The following DDHD2 variants were observed in gnomAD, a reference collection of about 807,000 sequenced individuals.
DDHD2 encodes DDHD domain containing 2.
A neutral mutation model predicts 91.2 loss-of-function variants in DDHD2; 62 were observed. The observed-to-expected ratio is 0.68, with a 90% CI of 0.55 to 0.84. The LOEUF (loss-of-function observed/expected upper bound fraction) is 0.84, where lower values mean the gene tolerates loss of function less well. Among genes scored for constraint, DDHD2 ranks in the 40% least tolerant of loss-of-function variants. The probability of loss-of-function intolerance (pLI) is 0.00; values close to 1 mark genes in which losing one functional copy is unlikely to be tolerated. For missense variants in DDHD2, 740 were observed against 846.9 expected (o/e 0.87, Z 1.57); for synonymous variants, 271 against 293.9 (o/e 0.92, Z 0.80).
downstream of DDHD2, chr8:38,264,343 G>C: frequency 1.0e-6 from 1 of 956,604 alleles, no homozygotes; most frequent in Non-Finnish European, 1.5e-6. Flanking sequence ...GGTTCACCAT[G>C]TTGGCCAGGC....
chr8:38,247,886 T>A, intron 10 of DDHD2, 51 bp downstream of exon 10: 1 of 1,421,514 alleles, frequency 7.0e-7, no homozygotes, highest in Non-Finnish European at 9.4e-7. Flanking sequence ...AGTATTTTTG[T>A]TTATCGTGTT....
At chr8:38,251,557 A>C in intron 11 of DDHD2, 1 of 182,276 alleles carries the variant, frequency 5.5e-6, no homozygotes, top group Non-Finnish European at 1.1e-5. Flanking sequence ...TGAAATGGCT[A>C]TGTACAACTT....
chr8:38,255,959 G>C (rs1469901709), intron 16 of DDHD2, among the ~76,000 whole-genome samples: 1 of 152,180 alleles, frequency 6.6e-6, no homozygotes, highest in East Asian at 1.9e-4. Context: ...ATGTACGAAA[G>C]TGTGTGTTTC....
chr8:38,258,192 C>CT (rs1236490950), intron 16 of DDHD2, among the ~76,000 whole-genome samples: 2 of 151,592 alleles, frequency 1.3e-5, no homozygotes, highest in Non-Finnish European at 2.9e-5. Flanking sequence ...GATTCAGGTC[C>CT]TTTTTTCCCC....
intron 5 of DDHD2, 55 bp from the exon 6 acceptor site, chr8:38,240,220 A>G: frequency 2.8e-6 from 3 of 1,055,708 alleles, no homozygotes; most frequent in Non-Finnish European, 4.3e-6. Context: ...GATGAATGAT[A>G]TTAGAATACA....
chr8:38,233,898 C>A (rs1804487710), intron 2 of DDHD2, among the ~76,000 whole-genome samples: 1 of 148,114 alleles, frequency 6.8e-6, no homozygotes. Flanking sequence ...CACTGGACTC[C>A]AGCCTGGGTG....
At chr8:38,253,795 A>C (rs1392969833) in intron 16 of DDHD2, 77 bp downstream of exon 16, 1 of 1,457,750 alleles carries the variant, frequency 6.9e-7, no homozygotes, top group East Asian at 2.3e-5. Context: ...AAAAAGGAGG[A>C]TAGGCCAGGT....
In DDHD2 at chr8:38,253,538, T is replaced by C; in HGVS notation, c.1892-18T>C. On this transcript the variant is annotated intron_variant, in intron 15 of 17. Coordinates refer to ENST00000397166, the MANE Select transcript of DDHD2 (RefSeq NM_015214.3). ...GCCAAAAGGTTTTAGATTCTTATTATGGTTCTTCCATATCCAGATGTTAAC... is the reference window on the plus strand; with the variant it reads ...GCCAAAAGGTTTTAGATTCTTATTACGGTTCTTCCATATCCAGATGTTAAC... 2 of 1,603,804 alleles carry C rather than the reference T, an allele frequency of 1.2e-6. No homozygotes were observed. Among genetic ancestry groups the C allele is most frequent in the Non-Finnish European group, 1.7e-6 (2 of 1,176,894 alleles).
downstream of DDHD2, chr8:38,267,632 T>C: frequency 1.5e-5 from 9 of 618,580 alleles, no homozygotes; most frequent in South Asian, 1.7e-4. Flanking sequence ...CAAATGACAC[T>C]GCAGCTTCAG....
chr8:38,235,902 A>ACACACAC (rs1804697977), intron 3 of DDHD2, among the ~76,000 whole-genome samples: 1 of 92,638 alleles, frequency 1.1e-5, no homozygotes, highest in Admixed American at 1.1e-4. Context: ...CACACACACA[A>ACACACAC]ATACAAATGC....
downstream of DDHD2, chr8:38,264,556 T>C (rs1455411795): frequency 1.3e-6 from 2 of 1,584,212 alleles, no homozygotes; most frequent in Admixed American, 3.6e-5. Context: ...ATACTGCCGA[T>C]AGCAGACATA....
downstream of DDHD2, chr8:38,265,764 C>T (rs1688435775): frequency 6.2e-6 from 1 of 161,096 alleles, no homozygotes; most frequent in African/African-American, 2.4e-5. Flanking sequence ...TAGCATTCAG[C>T]TTAAATTTGT....
rs571527680 is a variant in DDHD2 at position 38,258,786 on chromosome 8, C to T, written c.2055-1254C>T. Among the ~76,000 whole-genome samples, 54 of 152,134 alleles carry T rather than the reference C, an allele frequency of 3.5e-4. 1 individual carries two copies. Among genetic ancestry groups the T allele is most frequent in the African/African-American group, 1.2e-3 (50 of 41,490 alleles). On this transcript the variant is annotated intron_variant, in intron 16 of 17. Transcript: ENST00000397166. ...ATGTGATCCTTTCTGGGGAAGAATC[C>T]GTAATTTCATTAGATTCTCAAAAGG... is the stretch of plus-strand genomic sequence containing the variant.
intron 5 of DDHD2, among the ~76,000 whole-genome samples, chr8:38,239,924 C>T (rs1055701655): frequency 2.0e-5 from 3 of 151,292 alleles, no homozygotes; most frequent in Non-Finnish European, 2.9e-5. Flanking sequence ...GAAGTTTCAC[C>T]GTGTTGGTCA....
At position 38,245,923 on chromosome 8, in the gene DDHD2, G is replaced by T; in HGVS notation, c.1030G>T (p.Gly344Cys). Reference protein sequence around the residue: ...FLQRNPDFKGGVSIAGHSLGS... With the variant: ...FLQRNPDFKGCVSIAGHSLGS... ...ACAGAGGAACCCTGATTTCAAAGGGGGTGTATCCATTGCTGGTCATAGTTT... is the reference window on the plus strand; with the variant it reads ...ACAGAGGAACCCTGATTTCAAAGGGTGTGTATCCATTGCTGGTCATAGTTT... The change falls in exon 8 of 18, where the codon GGT becomes TGT. Residue 344 changes from glycine to cysteine, a missense_variant. Around this residue, in one of 2 missense-constraint regions of DDHD2, gnomAD observed 693 missense variants for 764.2 expected, o/e 0.91. Coordinates refer to ENST00000397166, the MANE Select transcript of DDHD2 (RefSeq NM_015214.3). 4 of 1,613,782 alleles carry T rather than the reference G, an allele frequency of 2.5e-6. No homozygotes were observed. The highest frequency in any genetic ancestry group is 3.4e-6 in the Non-Finnish European group (4 of 1,180,018).
chr8:38,248,492 CAT>C (rs1805829769), intron 10 of DDHD2, among the ~76,000 whole-genome samples: 2 of 151,144 alleles, frequency 1.3e-5, no homozygotes, highest in Admixed American at 1.3e-4. Context: ...GTGAATAAGA[CAT>C]ATGATCCCTG....
chr8:38,248,541 T>A (rs1805835937), intron 10 of DDHD2, among the ~76,000 whole-genome samples: 1 of 152,148 alleles, frequency 6.6e-6, no homozygotes, highest in Non-Finnish European at 1.5e-5. Context: ...GGAAGACACA[T>A]GTTAAATAAT....
chr8:38,233,790 G>C (rs970789857), intron 2 of DDHD2, among the ~76,000 whole-genome samples: 2 of 151,774 alleles, frequency 1.3e-5, no homozygotes, highest in Non-Finnish European at 2.9e-5. Context: ...TTAGCTGGGC[G>C]GCGGGGTTTG....
chr8:38,235,575 G>A (rs1804651933), intron 3 of DDHD2, among the ~76,000 whole-genome samples: 2 of 151,712 alleles, frequency 1.3e-5, no homozygotes, highest in Admixed American at 6.6e-5. Flanking sequence ...TACAAAATTA[G>A]CTGGGCACGG....
Sources: allele counts gnomAD v4.1 joint callset (sites outside exome capture counted in the v4.1 genomes callset), GRCh38; gene constraint gnomAD v4.1.1; regional missense constraint gnomAD v4.1.1; transcripts MANE v1.5; gene names NCBI Gene and HGNC (gene_info 2026-07-23, HGNC 2026-07-21).